The following ROBO1 variants were observed in gnomAD, a reference collection of about 807,000 sequenced individuals.
ROBO1 encodes roundabout guidance receptor 1, also known as roundabout homolog 1.
In ROBO1, 149 loss-of-function variants were observed where a neutral mutation model predicts 195.9. The observed-to-expected ratio is 0.76, with a 90% CI of 0.67 to 0.87. The LOEUF is 0.87. ROBO1 is among the 40% of genes least tolerant of loss of function. The pLI, the probability that ROBO1 is intolerant of heterozygous loss-of-function variation, is 0.00. For synonymous variants in ROBO1, 816 were observed against 733.2 expected (o/e 1.11, Z -1.82); for missense variants, 1,933 against 2,068.3 (o/e 0.93, Z 1.27).
rs775913306 is a variant in ROBO1 at position 78,659,831 on chromosome 3, G to A, written c.2321-24C>T. 5.0e-6 allele frequency: 8 copies of A among 1,587,846 alleles called. No homozygotes were observed. The Admixed American group carries it at 1.2e-4, about 25-fold the overall frequency. On this transcript the variant is annotated intron_variant, in intron 16 of 30. Coordinates refer to ENST00000464233, the MANE Select transcript of ROBO1 (RefSeq NM_002941.4). ...TGCTATTAAATTGTTTTAAAAGGTA[G>A]GTTATTAGAATGTGCTAGAGAACAC... is the stretch of plus-strand genomic sequence containing the variant.
At chr3:79,142,765 T>C (rs2080553733) in intron 2 of ROBO1, among the ~76,000 whole-genome samples, 2 of 152,054 alleles carry the variant, frequency 1.3e-5, no homozygotes, top group African/African-American at 4.8e-5. Flanking sequence ...TTTAAAGCAT[T>C]CCCATTTTCC....
intron 4 of ROBO1, among the ~76,000 whole-genome samples, chr3:78,802,566 C>T (rs971457414): frequency 1.3e-5 from 2 of 152,000 alleles, no homozygotes; most frequent in Non-Finnish European, 2.9e-5. Flanking sequence ...CAAAACAAAA[C>T]AAAAACACAT....
chr3:79,162,078 G>A (rs367997027), intron 2 of ROBO1, among the ~76,000 whole-genome samples: 45 of 151,954 alleles, frequency 3.0e-4, no homozygotes, highest in African/African-American at 1.0e-3. Context: ...GAATCAGGAA[G>A]AGAAGTAGCA....
intron 2 of ROBO1, among the ~76,000 whole-genome samples, chr3:79,238,965 G>A (rs1241648620): frequency 6.6e-6 from 1 of 152,184 alleles, no homozygotes; most frequent in Non-Finnish European, 1.5e-5. Context: ...ATTTAGTCAT[G>A]TAGAAGTCAG....
chr3:78,601,801 C>T (rs775154898), intron 29 of ROBO1, among the ~76,000 whole-genome samples: 2 of 152,054 alleles, frequency 1.3e-5, no homozygotes, highest in East Asian at 1.9e-4. Flanking sequence ...TAATGCTAAC[C>T]GTGTTTCCAG....
chr3:78,758,630 C>T (rs1344800882), intron 4 of ROBO1, among the ~76,000 whole-genome samples: 1 of 151,796 alleles, frequency 6.6e-6, no homozygotes, highest in African/African-American at 2.4e-5. Context: ...ACTACTCTCT[C>T]AAAGTGAAGA....
chr3:78,791,094 A>C (rs1170562955), intron 4 of ROBO1, among the ~76,000 whole-genome samples: 4 of 152,212 alleles, frequency 2.6e-5, no homozygotes, highest in Non-Finnish European at 5.9e-5. Context: ...GACCAGATCA[A>C]ACCTGAGGCC....
chr3:79,649,774 A>T (rs1576176625), intron 1 of ROBO1, among the ~76,000 whole-genome samples: 1 of 152,026 alleles, frequency 6.6e-6, no homozygotes, highest in African/African-American at 2.4e-5. Flanking sequence ...CTTAATGAAC[A>T]TGGGCACTAT....
In ROBO1 at chr3:79,389,003, A is replaced by G. The variant is rs193132149; in HGVS notation, c.88+200821T>C. 1.2e-3 allele frequency among the ~76,000 whole-genome samples: 182 copies of G among 152,216 alleles called. 2 individuals are homozygous for G. The highest frequency in any genetic ancestry group is 5.5e-3 in the Admixed American group (84 of 15,272). On this transcript the variant is annotated intron_variant, in intron 2 of 30. Transcript: ENST00000464233. ...AACTTCATAAAGGTCTAACAATAGAATGATGTGTAAGTATGCCACTAGCTA... is the reference window on the plus strand; with the variant it reads ...AACTTCATAAAGGTCTAACAATAGAGTGATGTGTAAGTATGCCACTAGCTA...
intron 3 of ROBO1, among the ~76,000 whole-genome samples, chr3:78,939,556 T>G (rs948505319): frequency 6.6e-5 from 10 of 150,388 alleles, no homozygotes; most frequent in Non-Finnish European, 1.3e-4. Flanking sequence ...AGGCGGAGCT[T>G]GCAGTGAGCC....
chr3:78,711,386 C>CTTT (rs1260508542), intron 8 of ROBO1, among the ~76,000 whole-genome samples: 17 of 34,386 alleles, frequency 4.9e-4, no homozygotes, highest in Middle Eastern at 0.016. Flanking sequence ...TTCCTTCCTT[C>CTTT]CTTCCTTCCT....
chr3:78,950,499 C>A (rs1277125115), intron 3 of ROBO1, among the ~76,000 whole-genome samples: 3 of 107,650 alleles, frequency 2.8e-5, no homozygotes, highest in African/African-American at 3.8e-5. Flanking sequence ...CATCACACAT[C>A]GAGGCCTGTT....
chr3:78,967,228 G>C (rs898476786), intron 3 of ROBO1, among the ~76,000 whole-genome samples: 1 of 151,956 alleles, frequency 6.6e-6, no homozygotes, highest in Non-Finnish European at 1.5e-5. Flanking sequence ...TGCTTCCCTC[G>C]GCAAGGGAAA....
chr3:78,627,114 G>T (rs533920746), intron 26 of ROBO1, among the ~76,000 whole-genome samples: 1 of 152,064 alleles, frequency 6.6e-6, no homozygotes, highest in South Asian at 2.1e-4. Flanking sequence ...ATTATTTTAC[G>T]GTTGCAAGTT....
intron 1 of ROBO1, among the ~76,000 whole-genome samples, chr3:79,688,379 T>C (rs549776161): frequency 6.6e-6 from 1 of 152,014 alleles, no homozygotes; most frequent in Non-Finnish European, 1.5e-5. Flanking sequence ...TTTAAAAAAA[T>C]CACACAGCTT....
intron 1 of ROBO1, among the ~76,000 whole-genome samples, chr3:79,677,784 G>A (rs2106947765): frequency 6.6e-6 from 1 of 152,204 alleles, no homozygotes; most frequent in African/African-American, 2.4e-5. Context: ...AACAAATTGT[G>A]TGATCCTGAG....
At chr3:79,635,490 T>C (rs890673154) in intron 1 of ROBO1, among the ~76,000 whole-genome samples, 1 of 152,200 alleles carries the variant, frequency 6.6e-6, no homozygotes, top group African/African-American at 2.4e-5. Flanking sequence ...TTAGAAACTA[T>C]GTATGGAATA....
chr3:78,857,305 T>C (rs1172230245), intron 4 of ROBO1, among the ~76,000 whole-genome samples: 2 of 152,210 alleles, frequency 1.3e-5, no homozygotes, highest in African/African-American at 2.4e-5. Flanking sequence ...ATGAGAAATA[T>C]GTCTTACAAT....
At chr3:78,791,034 GC>G (rs1177811482) in intron 4 of ROBO1, among the ~76,000 whole-genome samples, 1 of 152,210 alleles carries the variant, frequency 6.6e-6, no homozygotes, top group Non-Finnish European at 1.5e-5. Context: ...TTACCCTAGA[GC>G]TAGCGAGAGG....
Sources: gnomAD v4.1 joint callset for allele counts (sites outside exome capture counted in the v4.1 genomes callset) on GRCh38, gnomAD v4.1.1 for gene constraint, MANE v1.5 for transcripts, NCBI Gene and HGNC (gene_info 2026-07-23, HGNC 2026-07-21) for gene names.